MYO9A: variants seen among roughly 807,000 people sequenced by gnomAD.
MYO9A encodes unconventional myosin-IXa.
Under a neutral mutation model 293.3 loss-of-function variants are expected in MYO9A, and 103 were observed. The ratio of observed to expected loss-of-function variants is 0.35; its 90% CI spans 0.30 to 0.41. The LOEUF (loss-of-function observed/expected upper bound fraction) is 0.41. MYO9A is among the 10% of genes least tolerant of loss of function. MYO9A has a pLI of 1.00. For missense variants in MYO9A, 2,685 were observed against 3,033.0 expected (o/e 0.89, Z 2.69); for synonymous variants, 1,001 against 1,035.7 (o/e 0.97, Z 0.64).
At position 71,893,749 on chromosome 15, in the gene MYO9A, T is replaced by G; in HGVS notation, c.5072A>C (p.Asn1691Thr). ...TTCATCTTCTTTATGGAGTTGAGGA[T>G]TTTTACTGTTTAAGGCTTCTTTGCT... ...LVSKEALNSK[N>T]PQLHKEDEPA... The change falls in exon 26 of 42, where the codon AAT becomes ACT. Residue 1691 changes from asparagine to threonine, a missense_variant. Asn to Thr is a moderately conservative substitution (Grantham distance 65). Around this residue, in one of 10 missense-constraint regions of MYO9A, gnomAD observed 1,434 missense variants for 1,497.7 expected, o/e 0.96. Transcript: ENST00000356056. 6.2e-7 allele frequency: 1 copy of G among 1,613,928 alleles called. No homozygotes were observed. The highest frequency in any genetic ancestry group is 8.5e-7 in the Non-Finnish European group (1 of 1,179,880).
At chr15:72,076,301 T>C (rs1346143064) in intron 1 of MYO9A, among the ~76,000 whole-genome samples, 1 of 135,458 alleles carries the variant, frequency 7.4e-6, no homozygotes, top group Non-Finnish European at 1.6e-5. Flanking sequence ...TGAGACTCTG[T>C]CTCAAAAAAA....
chr15:71,927,679 T>C (rs1456337182), intron 18 of MYO9A, among the ~76,000 whole-genome samples: 2 of 152,050 alleles, frequency 1.3e-5, no homozygotes, highest in African/African-American at 2.4e-5. Context: ...TGGATGACTG[T>C]ATTTATTTTT....
At chr15:71,918,012 A>G (rs1039492708) in intron 18 of MYO9A, among the ~76,000 whole-genome samples, 1 of 152,212 alleles carries the variant, frequency 6.6e-6, no homozygotes, top group African/African-American at 2.4e-5. Context: ...AAAAAGACAG[A>G]TATCACAATA....
intron 14 of MYO9A, chr15:71,953,671 C>T (rs1168673563): frequency 6.6e-6 from 1 of 151,694 alleles, no homozygotes; most frequent in Non-Finnish European, 1.5e-5. Context: ...TTTCTTTAAC[C>T]TCTCTCCTGT....
At chr15:72,085,670 T>C (rs1222613661) in intron 1 of MYO9A, among the ~76,000 whole-genome samples, 1 of 152,200 alleles carries the variant, frequency 6.6e-6, no homozygotes, top group African/African-American at 2.4e-5. Flanking sequence ...GGAAAGCCAG[T>C]GTGGTTGTCT....
chr15:71,870,867 T>C (rs1280436826), intron 32 of MYO9A, among the ~76,000 whole-genome samples: 5 of 152,192 alleles, frequency 3.3e-5, no homozygotes, highest in Non-Finnish European at 5.9e-5. Flanking sequence ...GGATTCATAG[T>C]TGGTTGAACC....
chr15:71,904,383 T>G (rs1351876065), intron 20 of MYO9A, among the ~76,000 whole-genome samples: 1 of 152,228 alleles, frequency 6.6e-6, no homozygotes, highest in East Asian at 1.9e-4. Context: ...CTGGGTGTAG[T>G]GGCTCACGCC....
chr15:71,897,352 G>T, intron 25 of MYO9A, 109 bp downstream of exon 25: 1 of 1,170,122 alleles, frequency 8.5e-7, no homozygotes, highest in Non-Finnish European at 1.2e-6. Flanking sequence ...AAGAGAAAAT[G>T]GCCAAGTTGA....
chr15:72,066,526 A>G (rs1396230952), intron 1 of MYO9A, among the ~76,000 whole-genome samples: 1 of 151,934 alleles, frequency 6.6e-6, no homozygotes, highest in Non-Finnish European at 1.5e-5. Flanking sequence ...AAAGCCAGAT[A>G]AAAGAGTACA....
intron 1 of MYO9A, among the ~76,000 whole-genome samples, chr15:72,075,764 A>T (rs2079331218): frequency 6.6e-6 from 1 of 151,974 alleles, no homozygotes. Flanking sequence ...ATCTCTACAA[A>T]AAAAATTTAT....
intron 25 of MYO9A, among the ~76,000 whole-genome samples, chr15:71,896,268 G>C (rs207475584): frequency 6.6e-6 from 1 of 152,018 alleles, no homozygotes; most frequent in Non-Finnish European, 1.5e-5. Context: ...ATATATAAAA[G>C]GAGAGAAAAG....
At chr15:72,056,599 G>A (rs1000804768) in intron 1 of MYO9A, among the ~76,000 whole-genome samples, 2 of 152,248 alleles carry the variant, frequency 1.3e-5, no homozygotes, top group Admixed American at 6.5e-5. Flanking sequence ...GAAAAGGTGG[G>A]AGGTGGGTGA....
Position 71,850,153 on chromosome 15 carries a change from T to C in MYO9A, c.6596A>G (p.Glu2199Gly). 1 of 1,614,052 alleles carries C rather than the reference T, an allele frequency of 6.2e-7. No homozygotes were observed. The highest frequency in any genetic ancestry group is 8.5e-7 in the Non-Finnish European group (1 of 1,179,954). The change falls in exon 38 of 42, where the codon GAA (glutamate) becomes GGA (glycine). Residue 2199 changes from glutamate (E) to glycine (G), a missense_variant. By Grantham distance (98) the Glu-to-Gly change is moderately conservative (BLOSUM62 -2). This residue lies in a region of MYO9A where 238 missense variants were observed against 269.1 expected (regional missense o/e 0.88). Transcript: ENST00000356056. ...IFHLVRIALQ[E>G]DTNRMSANAL... ...ATTAGCAGACATTCGATTAGTGTCT[T>C]CCTGCAGAGCAATCCTAAGAATTAA...
At chr15:72,023,179 G>GCTC in intron 4 of MYO9A, among the ~76,000 whole-genome samples, 2 of 152,106 alleles carry the variant, frequency 1.3e-5, no homozygotes. Flanking sequence ...GAGCTCAACA[G>GCTC]CAAATATGAG....
intron 6 of MYO9A, among the ~76,000 whole-genome samples, chr15:72,013,560 T>G (rs554305740): frequency 6.6e-6 from 1 of 152,320 alleles, no homozygotes; most frequent in South Asian, 2.1e-4. Flanking sequence ...TTCTTGTTTG[T>G]ACTTGATAAC....
chr15:72,048,023 T>C (rs905858388), intron 1 of MYO9A, among the ~76,000 whole-genome samples: 1 of 151,908 alleles, frequency 6.6e-6, no homozygotes, highest in African/African-American at 2.4e-5. Flanking sequence ...TTTGTCAAAG[T>C]CTTCTAATCA....
chr15:71,882,743 A>G (rs2056911218), intron 28 of MYO9A, among the ~76,000 whole-genome samples: 1 of 152,200 alleles, frequency 6.6e-6, no homozygotes. Flanking sequence ...CTGGAGCAGG[A>G]CTGCCTAGAT....
At chr15:71,939,277 G>T (rs912090523) in intron 15 of MYO9A, among the ~76,000 whole-genome samples, 1 of 152,114 alleles carries the variant, frequency 6.6e-6, no homozygotes, top group African/African-American at 2.4e-5. Context: ...CATGTAACGG[G>T]GGTTTGTTGT....
At chr15:71,893,436 G>T in intron 26 of MYO9A, 1 of 529,982 alleles carries the variant, frequency 1.9e-6, no homozygotes, top group Non-Finnish European at 3.3e-6. Context: ...CACTGCCATA[G>T]TAAGTCAACA....
Sources: gnomAD v4.1 joint callset for allele counts (sites outside exome capture counted in the v4.1 genomes callset) on GRCh38, gnomAD v4.1.1 for gene constraint, gnomAD v4.1.1 regional missense constraint, MANE v1.5 for transcripts, NCBI Gene and HGNC (gene_info 2026-07-23, HGNC 2026-07-21) for gene names.